The following SOX6 variants were observed in gnomAD, a reference collection of about 807,000 sequenced individuals.
The protein encoded by SOX6 is transcription factor SOX-6.
SOX6 carries 11 observed loss-of-function variants against 97.8 expected under a neutral mutation model. The observed-to-expected ratio is 0.11, with a 90% confidence interval of 0.07 to 0.19. The LOEUF (loss-of-function observed/expected upper bound fraction) is 0.19, where lower values mean the gene tolerates loss of function less well. Ranked by LOEUF, SOX6 falls within the 10% of genes least tolerant of loss-of-function variation. The probability of loss-of-function intolerance (pLI) is 1.00; values close to 1 mark genes in which losing one functional copy is unlikely to be tolerated. For synonymous variants in SOX6, 360 were observed against 371.4 expected (o/e 0.97, Z 0.35); for missense variants, 810 against 1,039.5 (o/e 0.78, Z 3.04).
chr11:16,711,391 T>C (rs1848179328), intron 3 of SOX6, among the ~76,000 whole-genome samples: 1 of 149,118 alleles, frequency 6.7e-6, no homozygotes, highest in African/African-American at 2.4e-5. Flanking sequence ...TAGCCAGGCA[T>C]GGTGGGCCTA....
intron 3 of SOX6, among the ~76,000 whole-genome samples, chr11:16,699,397 T>C (rs1040122164): frequency 3.3e-5 from 5 of 151,996 alleles, no homozygotes; most frequent in Admixed American, 3.3e-4. Context: ...AAACTTATGG[T>C]CATGTTTCTT....
At chr11:16,590,737 T>C (rs1350798979) in intron 4 of SOX6, among the ~76,000 whole-genome samples, 2 of 151,814 alleles carry the variant, frequency 1.3e-5, no homozygotes, top group African/African-American at 4.8e-5. Context: ...ATGTGAGAGC[T>C]TAAAAAAAAA....
At chr11:16,151,145 C>T (rs113301136) in intron 6 of SOX6, among the ~76,000 whole-genome samples, 1,617 of 152,116 alleles carry the variant, frequency 0.011, 26 homozygotes, top group African/African-American at 0.037. Flanking sequence ...ATATATTTTT[C>T]ACATTTTTTT....
At chr11:16,155,831 G>C (rs1354958101) in intron 6 of SOX6, among the ~76,000 whole-genome samples, 1 of 151,826 alleles carries the variant, frequency 6.6e-6, no homozygotes, top group Non-Finnish European at 1.5e-5. Flanking sequence ...TCTACCATAG[G>C]ACATCTTTTC....
Position 16,159,954 on chromosome 11 carries a change from T to C in SOX6, c.777+23932A>G, listed in dbSNP as rs545097210. Among the ~76,000 whole-genome samples the C allele has an allele frequency of 1.5e-4, 23 of 152,156 alleles. No homozygotes were observed. The South Asian group carries it at 3.1e-3, about 21-fold the overall frequency. ...AACAGTTCTGCCGTAGACAAAGTCA[T>C]GGGGTGGGAAACTCGGAAAGGGGAC... On this transcript the variant is annotated intron_variant, in intron 6 of 15. Coordinates refer to ENST00000683767, the MANE Select transcript of SOX6 (RefSeq NM_001367873.1).
intron 3 of SOX6, among the ~76,000 whole-genome samples, chr11:16,244,651 ATATCCAGT>A (rs752434973): frequency 6.6e-6 from 1 of 151,828 alleles, no homozygotes; most frequent in Non-Finnish European, 1.5e-5. Context: ...TTTCATATAA[ATATCCAGT>A]TGTTCCAGCA....
intron 3 of SOX6, among the ~76,000 whole-genome samples, chr11:16,641,991 C>A (rs1197908750): frequency 6.6e-6 from 1 of 152,180 alleles, no homozygotes; most frequent in African/African-American, 2.4e-5. Context: ...GATGCAGTTT[C>A]TTCCTAGCCT....
At chr11:16,163,149 A>G (rs892720639) in intron 6 of SOX6, among the ~76,000 whole-genome samples, 1 of 152,172 alleles carries the variant, frequency 6.6e-6, no homozygotes, top group East Asian at 1.9e-4. Context: ...TAAAAAGAAA[A>G]TATCTCATAC....
In SOX6 at chr11:16,605,651, G is replaced by A. The variant is rs1848325835; in HGVS notation, n.609+6430C>T. 6.6e-6 allele frequency among the ~76,000 whole-genome samples: 1 copy of A among 152,016 alleles called. No individual in the cohort carries two copies. The highest frequency in any genetic ancestry group is 6.5e-5 in the Admixed American group (1 of 15,272). On this transcript the variant is annotated intron_variant and non_coding_transcript_variant, in intron 4 of 5. Transcript: ENST00000524520. This position sits in a 1 kb window ranked among gnomAD's most constrained non-coding sequence, Gnocchi z 5.3. ...GAGTAAACTTTATCCCGGCGAGAGA[G>A]CGGCGGAGATCCTCGACTCCCGCCC...
intron 4 of SOX6, among the ~76,000 whole-genome samples, chr11:16,499,248 C>T (rs1372278385): frequency 6.6e-6 from 1 of 152,130 alleles, no homozygotes; most frequent in African/African-American, 2.4e-5. Flanking sequence ...TAAAGATGTT[C>T]TTTGAAACCA....
chr11:16,035,426 G>T (rs191571846), intron 12 of SOX6, among the ~76,000 whole-genome samples: 2 of 152,146 alleles, frequency 1.3e-5, no homozygotes, highest in East Asian at 3.9e-4. Flanking sequence ...TAATAAATGT[G>T]TGAAATGCTT....
chr11:16,171,656 GTTTA>G (rs1851042718), intron 6 of SOX6, among the ~76,000 whole-genome samples: 1 of 151,638 alleles, frequency 6.6e-6, no homozygotes, highest in Non-Finnish European at 1.5e-5. Context: ...ATAAAACAAA[GTTTA>G]TTTATAAAAA....
chr11:16,579,096 A>C (rs1410779937), intron 4 of SOX6, among the ~76,000 whole-genome samples: 2 of 152,058 alleles, frequency 1.3e-5, no homozygotes, highest in African/African-American at 4.8e-5. Context: ...AGCTACATTA[A>C]TTCACCACAT....
At chr11:16,140,117 A>G (rs1365304820) in intron 6 of SOX6, among the ~76,000 whole-genome samples, 2 of 151,980 alleles carry the variant, frequency 1.3e-5, no homozygotes, top group Non-Finnish European at 2.9e-5. Flanking sequence ...ATTACCAACC[A>G]ATCTCCTCAT....
chr11:16,334,274 T>C lies in SOX6; in HGVS notation c.237+6738A>G, dbSNP rs991904416. Among the ~76,000 whole-genome samples, 12 of 152,208 alleles carry C rather than the reference T, an allele frequency of 7.9e-5. 1 individual carries two copies. Among genetic ancestry groups the C allele is most frequent in the African/African-American group, 1.7e-4 (7 of 41,456 alleles). On this transcript the variant is annotated intron_variant, in intron 2 of 15. Transcript: ENST00000683767. ...AATGCAAAAAGTCTTTGCACAGATG[T>C]AGCAAAGTACTGGATTTTTATATTT... is the stretch of plus-strand genomic sequence containing the variant.
intron 4 of SOX6, among the ~76,000 whole-genome samples, chr11:16,604,398 A>C (rs1389209398): frequency 1.3e-5 from 2 of 152,294 alleles, no homozygotes; most frequent in East Asian, 3.9e-4. Flanking sequence ...TGGACATGTG[A>C]CCAGAAAGGG....
chr11:16,533,148 T>C (rs1372930689), intron 4 of SOX6, among the ~76,000 whole-genome samples: 1 of 151,932 alleles, frequency 6.6e-6, no homozygotes, highest in Non-Finnish European at 1.5e-5. Context: ...AACATAATAC[T>C]TAGCATACTA....
rs76262384 is a variant in SOX6, at chr11:16,625,416, T to C, written n.430-13156A>G. 1.4e-3 allele frequency among the ~76,000 whole-genome samples: 213 copies of C among 152,336 alleles called. No homozygotes were observed. In the East Asian group the frequency reaches 0.04, roughly 28 times the overall value. ...CTGATACAGGGCTCCTAAAGCCCTC[T>C]TGTAATTTCTTAAGAGGTAGGAGTG... On this transcript the variant is annotated intron_variant and non_coding_transcript_variant, in intron 3 of 5. Coordinates refer to the SOX6 transcript ENST00000524520.
chr11:16,040,927 G>A (rs77134200), intron 12 of SOX6, among the ~76,000 whole-genome samples: 1,625 of 152,118 alleles, frequency 0.011, 34 homozygotes, highest in African/African-American at 0.037. Context: ...TAAAGAAAGA[G>A]TAGTACACAA....
Sources: allele counts gnomAD v4.1 joint callset (sites outside exome capture counted in the v4.1 genomes callset), GRCh38; gene constraint gnomAD v4.1.1; non-coding constraint Gnocchi (gnomAD v3.1); transcripts MANE v1.5; gene names NCBI Gene and HGNC (gene_info 2026-07-23, HGNC 2026-07-21).